EPHA6: variants seen among roughly 807,000 people sequenced by gnomAD.
EPHA6 encodes the protein ephrin type-A receptor 6.
In EPHA6, 50 loss-of-function variants were observed where a neutral mutation model predicts 112.0. That is an observed-to-expected ratio of 0.45 (90% CI 0.36 to 0.56). The LOEUF (loss-of-function observed/expected upper bound fraction) is 0.56, where lower values mean the gene tolerates loss of function less well. EPHA6 is among the 20% of genes least tolerant of loss of function. The pLI, the probability that EPHA6 is intolerant of heterozygous loss-of-function variation, is 0.00. For synonymous variants in EPHA6, 529 were observed against 490.7 expected (o/e 1.08, Z -1.03); for missense variants, 1,280 against 1,417.4 (o/e 0.90, Z 1.56).
At chr3:97,106,323 T>A (rs2047566515) in intron 3 of EPHA6, among the ~76,000 whole-genome samples, 1 of 152,104 alleles carries the variant, frequency 6.6e-6, no homozygotes, top group Non-Finnish European at 1.5e-5. Context: ...AACTTTTTTT[T>A]TCTATGGTTT....
intron 3 of EPHA6, among the ~76,000 whole-genome samples, chr3:97,150,576 G>C (rs1363817853): frequency 6.6e-6 from 1 of 151,990 alleles, no homozygotes; most frequent in South Asian, 2.1e-4. Flanking sequence ...ATTGGGACTT[G>C]GGAAAACAAC....
chr3:96,981,745 C>G (rs555895708), intron 2 of EPHA6, among the ~76,000 whole-genome samples: 1 of 151,926 alleles, frequency 6.6e-6, no homozygotes, highest in Non-Finnish European at 1.5e-5. Context: ...TGTTGTTGGT[C>G]CATTCAGAGA....
At chr3:97,645,550 G>T (rs2094052770) in intron 14 of EPHA6, among the ~76,000 whole-genome samples, 1 of 149,156 alleles carries the variant, frequency 6.7e-6, no homozygotes, top group Admixed American at 6.7e-5. Flanking sequence ...AGCATTGGGA[G>T]ATATACATAA....
chr3:97,736,760 A>C (rs1344060635), intron 16 of EPHA6, among the ~76,000 whole-genome samples: 1 of 152,040 alleles, frequency 6.6e-6, no homozygotes, highest in Admixed American at 6.6e-5. Flanking sequence ...CTCCCGGTGA[A>C]GAGCAATTAT....
At chr3:97,500,153 A>G (rs2092080020) in intron 10 of EPHA6, among the ~76,000 whole-genome samples, 1 of 152,156 alleles carries the variant, frequency 6.6e-6, no homozygotes, top group South Asian at 2.1e-4. Flanking sequence ...TTAGGTCTAC[A>G]CAAGATCAGG....
chr3:96,914,123 T>C lies in EPHA6; in HGVS notation c.450+47234T>C, dbSNP rs559553726. Among the ~76,000 whole-genome samples the C allele has an allele frequency of 8.5e-5, 13 of 152,270 alleles. No homozygotes were observed. In the South Asian group the frequency reaches 2.5e-3, roughly 29 times the overall value. ...GCTGCATTTCAACTTTCAAATTATTTTCATGCCGGCACAAAAGAATGCATA... is the reference window on the plus strand; with the variant it reads ...GCTGCATTTCAACTTTCAAATTATTCTCATGCCGGCACAAAAGAATGCATA... On this transcript the variant is annotated intron_variant, in intron 2 of 17. Coordinates refer to ENST00000389672, the MANE Select transcript of EPHA6 (RefSeq NM_001080448.3).
At chr3:97,245,863 A>T (rs1473305145) in intron 5 of EPHA6, among the ~76,000 whole-genome samples, 1 of 151,946 alleles carries the variant, frequency 6.6e-6, no homozygotes, top group Non-Finnish European at 1.5e-5. Context: ...ACACACACAC[A>T]AGCCCTGTAG....
intron 14 of EPHA6, among the ~76,000 whole-genome samples, chr3:97,706,788 T>C (rs2033699480): frequency 6.8e-6 from 1 of 146,906 alleles, no homozygotes; most frequent in South Asian, 2.1e-4. Flanking sequence ...TTTGTTTTGT[T>C]GTTTTTTTTT....
chr3:97,729,057 G>GC (rs1553680249), intron 15 of EPHA6, among the ~76,000 whole-genome samples: 1 of 151,428 alleles, frequency 6.6e-6, no homozygotes, highest in Non-Finnish European at 1.5e-5. Context: ...TTTTAAGAAA[G>GC]TTTTTTTTTA....
intron 3 of EPHA6, among the ~76,000 whole-genome samples, chr3:97,046,893 A>G (rs2045526450): frequency 6.6e-6 from 1 of 152,126 alleles, no homozygotes; most frequent in African/African-American, 2.4e-5. Flanking sequence ...TCAATACTAA[A>G]ATGGATGAAT....
At chr3:97,705,321 A>G (rs921132131) in intron 14 of EPHA6, among the ~76,000 whole-genome samples, 5 of 151,952 alleles carry the variant, frequency 3.3e-5, no homozygotes, top group Admixed American at 6.6e-5. Context: ...TTCATCTTTC[A>G]TAAGGTTCCA....
At chr3:96,866,999 A>G (rs369806330) in intron 2 of EPHA6, 110 bp downstream of exon 2, 6 of 524,846 alleles carry the variant, frequency 1.1e-5, no homozygotes, top group East Asian at 1.0e-4. Context: ...TTTGACATAT[A>G]ACTTACATCC....
intron 3 of EPHA6, among the ~76,000 whole-genome samples, chr3:97,044,468 C>T (rs2045432721): frequency 6.6e-6 from 1 of 152,130 alleles, no homozygotes; most frequent in Admixed American, 6.5e-5. Flanking sequence ...AATTATCCTA[C>T]AACTTTCTTA....
At chr3:97,646,296 G>A (rs1199331858) in intron 14 of EPHA6, 1 of 1,526,992 alleles carries the variant, frequency 6.5e-7, no homozygotes. Context: ...TGACAAGAGA[G>A]ATAACCCTCC....
intron 5 of EPHA6, among the ~76,000 whole-genome samples, chr3:97,300,730 G>A (rs2081059636): frequency 6.6e-6 from 1 of 151,992 alleles, no homozygotes; most frequent in Non-Finnish European, 1.5e-5. Context: ...CAGGGGTCAG[G>A]GCAAGAAGTC....
intron 3 of EPHA6, among the ~76,000 whole-genome samples, chr3:97,004,469 C>G (rs1027294793): frequency 6.6e-6 from 1 of 151,966 alleles, no homozygotes; most frequent in Non-Finnish European, 1.5e-5. Context: ...TGTCCTATGC[C>G]CACTTTTTGA....
intron 3 of EPHA6, among the ~76,000 whole-genome samples, chr3:97,022,073 G>A (rs745978198): frequency 5.9e-5 from 9 of 152,202 alleles, no homozygotes; most frequent in Non-Finnish European, 1.2e-4. Flanking sequence ...GAAAACATTT[G>A]TTGAATAAAT....
At chr3:97,693,545 A>G (rs1467885970) in intron 14 of EPHA6, among the ~76,000 whole-genome samples, 1 of 152,060 alleles carries the variant, frequency 6.6e-6, no homozygotes, top group Non-Finnish European at 1.5e-5. Context: ...GGAAGAAGAA[A>G]TGATGTAATC....
chr3:97,088,902 G>A (rs373647436), intron 3 of EPHA6, among the ~76,000 whole-genome samples: 10 of 152,226 alleles, frequency 6.6e-5, no homozygotes, highest in Middle Eastern at 3.4e-3. Flanking sequence ...TGTGATACTC[G>A]AGACGCTAAG....
Sources: gnomAD v4.1 joint callset for allele counts (sites outside exome capture counted in the v4.1 genomes callset) on GRCh38, gnomAD v4.1.1 for gene constraint, MANE v1.5 for transcripts, NCBI Gene and HGNC (gene_info 2026-07-23, HGNC 2026-07-21) for gene names.